PCDHGB3: variants seen among roughly 807,000 people sequenced by gnomAD.
The protein encoded by PCDHGB3 is protocadherin gamma subfamily B, 3, also known as protocadherin gamma-B3.
In PCDHGB3, 40 loss-of-function variants were observed where a neutral mutation model predicts 59.2. That is an observed-to-expected ratio of 0.68 (90% CI 0.52 to 0.88). The LOEUF (loss-of-function observed/expected upper bound fraction) is 0.88. Ranked by LOEUF, PCDHGB3 falls within the 40% of genes least tolerant of loss-of-function variation. PCDHGB3 has a pLI of 0.00. For missense variants in PCDHGB3, 1,309 were observed against 1,187.9 expected (o/e 1.10, Z -1.50); for synonymous variants, 581 against 503.6 (o/e 1.15, Z -2.06).
rs934674909 is a variant in PCDHGB3, at chr5:141,511,083, A to C, written c.2700A>C (p.Thr900=). Residue 900 remains threonine, a synonymous_variant, in exon 4 of 4, where the codon ACA becomes ACC. Transcript: ENST00000576222. The part of the protein sequence containing the change: ...QNVYIPGSNA[T]LTNAAGKRDG... Reference sequence around the variant, plus strand: ...TCTACATCCCAGGCAGCAATGCCACACTGACCAACGCAGCTGGCAAGCGGG... The same window carrying C: ...TCTACATCCCAGGCAGCAATGCCACCCTGACCAACGCAGCTGGCAAGCGGG... 1.2e-6 allele frequency: 2 copies of C among 1,614,108 alleles called. No homozygotes were observed. Among genetic ancestry groups the C allele is most frequent in the African/African-American group, 2.7e-5 (2 of 74,940 alleles).
chr5:141,393,553 A>T (rs377510269), intron 1 of PCDHGB3: 1 of 1,613,928 alleles, frequency 6.2e-7, no homozygotes, highest in African/African-American at 1.3e-5. Context: ...CACCCGATTT[A>T]CCGAGTGAAA....
In PCDHGB3 at chr5:141,489,116, C is replaced by A; in HGVS notation, c.2416-5691C>A. Reference sequence around the variant, plus strand: ...TAAGAACTGCTGCAAGCAGGCAAACCTCCGAGCAGTTTTTAAGAGGCTGGA... The same window carrying A: ...TAAGAACTGCTGCAAGCAGGCAAACATCCGAGCAGTTTTTAAGAGGCTGGA... On this transcript the variant is annotated intron_variant, in intron 1 of 3. Transcript: ENST00000576222. The surrounding 1 kb of genome is among the most constrained non-coding windows in gnomAD (Gnocchi z 4.5). 3.7e-6 allele frequency: 2 copies of A among 536,398 alleles called. No homozygotes were observed. The highest frequency in any genetic ancestry group is 6.2e-6 in the Non-Finnish European group (2 of 322,530). 33.2% of individuals were successfully genotyped at this position (536,398 alleles called of 1,614,324 possible).
chr5:141,476,317 G>T lies in PCDHGB3; in HGVS notation c.2416-18490G>T, dbSNP rs759809060. ...GTAGCCTCTCAGCCCGCAGGTTCCG[G>T]GTGGTGTCTGGAGCTAGCCGAAGAT... On this transcript the variant is annotated intron_variant, in intron 1 of 3. Transcript: ENST00000576222. This position sits in a 1 kb window ranked among gnomAD's most constrained non-coding sequence, Gnocchi z 7.6. 1.9e-6 allele frequency: 3 copies of T among 1,614,170 alleles called. No individual in the cohort carries two copies. The highest frequency in any genetic ancestry group is 1.7e-5 in the Admixed American group (1 of 60,024).
chr5:141,392,794 G>A (rs1002894691), intron 1 of PCDHGB3: 2 of 1,563,344 alleles, frequency 1.3e-6, no homozygotes, highest in African/African-American at 1.4e-5. Flanking sequence ...ATTCTGAGAG[G>A]ATTCTGCAGC....
At chr5:141,387,725 C>A (rs986434485) in intron 1 of PCDHGB3, 2 of 1,183,102 alleles carry the variant, frequency 1.7e-6, no homozygotes, top group Non-Finnish European at 2.3e-6. Context: ...GACTCCCCAG[C>A]GCCAGCCTTT....
chr5:141,453,676 C>T (rs1387074223), intron 1 of PCDHGB3, among the ~76,000 whole-genome samples: 1 of 152,174 alleles, frequency 6.6e-6, no homozygotes, highest in Admixed American at 6.6e-5. Flanking sequence ...AAAGGTAACA[C>T]ACTATGTAGG....
chr5:141,433,389 A>G (rs1157605590), intron 1 of PCDHGB3, among the ~76,000 whole-genome samples: 2 of 151,108 alleles, frequency 1.3e-5, no homozygotes, highest in African/African-American at 2.4e-5. Context: ...CTATCTATCT[A>G]TCTATCTATC....
intron 1 of PCDHGB3, among the ~76,000 whole-genome samples, chr5:141,472,527 G>A (rs905459978): frequency 1.3e-5 from 2 of 151,468 alleles, no homozygotes; most frequent in African/African-American, 4.9e-5. Flanking sequence ...GTGACAGAGT[G>A]AGACACCATC....
intron 1 of PCDHGB3, chr5:141,403,389 C>A (rs764725441): frequency 1.9e-6 from 3 of 1,614,050 alleles, no homozygotes; most frequent in Non-Finnish European, 2.5e-6. Flanking sequence ...AACGAAATCG[C>A]GGTTCCTGGA....
intron 1 of PCDHGB3, chr5:141,430,744 C>T: frequency 6.7e-7 from 1 of 1,498,404 alleles, no homozygotes; most frequent in Non-Finnish European, 8.9e-7. Flanking sequence ...GAAAATAATT[C>T]TGGAGGAAGA....
chr5:141,504,380 C>T (rs943816582), intron 2 of PCDHGB3, among the ~76,000 whole-genome samples: 1 of 152,088 alleles, frequency 6.6e-6, no homozygotes, highest in African/African-American at 2.4e-5. Flanking sequence ...GGTGGAGTCG[C>T]TGCCTCACAG....
chr5:141,405,704 C>T (rs1589592020), intron 1 of PCDHGB3, among the ~76,000 whole-genome samples: 1 of 152,286 alleles, frequency 6.6e-6, no homozygotes, highest in East Asian at 1.9e-4. Context: ...TCTTGAATTC[C>T]TAACCTCAAG....
chr5:141,418,579 A>G (rs1561774780), intron 1 of PCDHGB3: 1 of 1,614,000 alleles, frequency 6.2e-7, no homozygotes, highest in Admixed American at 1.7e-5. Flanking sequence ...ACAACCCCCC[A>G]GTGTTCAGCC....
At position 141,409,564 on chromosome 5, in the gene PCDHGB3, G is replaced by C. The variant is rs374234556; in HGVS notation, c.2415+36755G>C. ...ACGACAACGCCCCAGTTTTCGACCA[G>C]ACGTCCTACGTGGTCCACGTGGCCG... On this transcript the variant is annotated intron_variant, in intron 1 of 3. Coordinates refer to ENST00000576222, the MANE Select transcript of PCDHGB3 (RefSeq NM_018924.5). The C allele has an allele frequency of 4.0e-5, 64 of 1,613,870 alleles. No individual in the cohort carries two copies. Among genetic ancestry groups the C allele is most frequent in the Non-Finnish European group, 5.2e-5 (61 of 1,179,914 alleles).
At chr5:141,393,129 A>G in intron 1 of PCDHGB3, 2 of 1,613,426 alleles carry the variant, frequency 1.2e-6, no homozygotes, top group Non-Finnish European at 1.7e-6. Context: ...TCTGATAAAT[A>G]TTAACACCCT....
In PCDHGB3 at chr5:141,489,873, G is replaced by A. The variant is rs1252665956; in HGVS notation, c.2416-4934G>A. The A allele has an allele frequency of 4.3e-6, 7 of 1,614,224 alleles. No homozygotes were observed. The highest frequency in any genetic ancestry group is 5.9e-6 in the Non-Finnish European group (7 of 1,180,030). On this transcript the variant is annotated intron_variant, in intron 1 of 3. Coordinates refer to ENST00000576222, the MANE Select transcript of PCDHGB3 (RefSeq NM_018924.5). The surrounding 1 kb of genome is among the most constrained non-coding windows in gnomAD (Gnocchi z 4.5). Reference sequence around the variant, plus strand: ...AAGCCCAGGCAAGACATCAGCTGGTGCTTACTGCTGTGGATGGGGGGACCC... The same window carrying A: ...AAGCCCAGGCAAGACATCAGCTGGTACTTACTGCTGTGGATGGGGGGACCC...
chr5:141,371,875 G>A lies in PCDHGB3; in HGVS notation c.1481G>A (p.Ser494Asn). 1 of 1,613,506 alleles carries A rather than the reference G, an allele frequency of 6.2e-7. No individual in the cohort carries two copies. The highest frequency in any genetic ancestry group is 8.5e-7 in the Non-Finnish European group (1 of 1,179,896). The change falls in exon 1 of 4, where the codon AGT (serine) becomes AAT (asparagine). Residue 494 changes from serine to asparagine, a missense_variant. Physicochemically the swap from Ser to Asn is conservative, Grantham distance 46. Coordinates refer to ENST00000576222, the MANE Select transcript of PCDHGB3 (RefSeq NM_018924.5). The part of the protein sequence containing the change: ...NGLVSYYIVA[S>N]DLEPRELSSY... Reference sequence around the variant, plus strand: ...CTTGTCTCCTACTACATCGTGGCCAGTGACCTGGAGCCGCGGGAGCTGTCG... The same window carrying A: ...CTTGTCTCCTACTACATCGTGGCCAATGACCTGGAGCCGCGGGAGCTGTCG...
rs1427052612 is a variant in PCDHGB3 at position 141,493,002 on chromosome 5, A to G, written c.2416-1805A>G. Among the ~76,000 whole-genome samples, 4 of 152,246 alleles carry G rather than the reference A, an allele frequency of 2.6e-5. No individual in the cohort carries two copies. The highest frequency in any genetic ancestry group is 2.1e-4 in the South Asian group (1 of 4,832). On this transcript the variant is annotated intron_variant, in intron 1 of 3. Transcript: ENST00000576222. This position sits in a 1 kb window ranked among gnomAD's most constrained non-coding sequence, Gnocchi z 4.3. ...TCTCCTCTGGCAGATGGAAAGCTAT[A>G]GGCTCTGCCAGATGCCAGGGTGCCC... is the stretch of plus-strand genomic sequence containing the variant.
chr5:141,418,299 G>C lies in PCDHGB3; in HGVS notation c.2415+45490G>C, dbSNP rs767901461. 5 of 1,614,046 alleles carry C rather than the reference G, an allele frequency of 3.1e-6. No individual in the cohort carries two copies. In the Admixed American group the frequency reaches 8.3e-5, roughly 27 times the overall value. On this transcript the variant is annotated intron_variant, in intron 1 of 3. Coordinates refer to ENST00000576222, the MANE Select transcript of PCDHGB3 (RefSeq NM_018924.5). ...AACTTAGAAATCAGTGAATCCGTCA[G>C]CCTGGGGATGGGAACAATTCTTGAG...
Sources: allele counts gnomAD v4.1 joint callset (sites outside exome capture counted in the v4.1 genomes callset), GRCh38; gene constraint gnomAD v4.1.1; non-coding constraint Gnocchi (gnomAD v3.1); transcripts MANE v1.5; gene names NCBI Gene and HGNC (gene_info 2026-07-23, HGNC 2026-07-21).